Variants in TRAPPC9 observed in about 807,000 individuals in gnomAD.
The protein encoded by TRAPPC9 is IKK2 binding protein.
Under a neutral mutation model 124.0 loss-of-function variants are expected in TRAPPC9, and 83 were observed. The ratio of observed to expected loss-of-function variants is 0.67; its 90% CI spans 0.56 to 0.80. TRAPPC9 has a LOEUF of 0.80. TRAPPC9 is among the 30% of genes least tolerant of loss of function. The pLI is 0.00. For synonymous variants in TRAPPC9, 638 were observed against 617.5 expected (o/e 1.03, Z -0.49); for missense variants, 1,302 against 1,508.3 (o/e 0.86, Z 2.27).
chr8:140,318,400 A>G (rs2066496188), intron 9 of TRAPPC9, among the ~76,000 whole-genome samples: 1 of 152,210 alleles, frequency 6.6e-6, no homozygotes, highest in Non-Finnish European at 1.5e-5. Flanking sequence ...TTGTTCCTTT[A>G]GTAATATTGA....
At chr8:140,419,357 A>C (rs1404571550) in intron 5 of TRAPPC9, among the ~76,000 whole-genome samples, 1 of 127,940 alleles carries the variant, frequency 7.8e-6, no homozygotes, top group Non-Finnish European at 1.6e-5. Flanking sequence ...TGAACCTCGG[A>C]GGTGGAGCTT....
At chr8:139,764,394 A>C (rs573303486) in intron 21 of TRAPPC9, among the ~76,000 whole-genome samples, 1 of 152,310 alleles carries the variant, frequency 6.6e-6, no homozygotes, top group East Asian at 1.9e-4. Flanking sequence ...TCCAGAAAGA[A>C]AGACCAGGGA....
chr8:139,881,554 C>T (rs1381960323), intron 21 of TRAPPC9, among the ~76,000 whole-genome samples: 1 of 152,190 alleles, frequency 6.6e-6, no homozygotes, highest in African/African-American at 2.4e-5. Context: ...CACTCACCCA[C>T]ATCTGATGAC....
At chr8:140,419,201 GGT>G (rs1564011177) in intron 5 of TRAPPC9, among the ~76,000 whole-genome samples, 4 of 151,970 alleles carry the variant, frequency 2.6e-5, no homozygotes, top group Admixed American at 2.6e-4. Context: ...GGCCGAGGCG[GGT>G]GGATCAGGAG....
At chr8:139,768,748 C>T (rs1258405918) in intron 21 of TRAPPC9, among the ~76,000 whole-genome samples, 1 of 152,198 alleles carries the variant, frequency 6.6e-6, no homozygotes, top group Admixed American at 6.5e-5. Context: ...TACTAACATA[C>T]GTGACACCTA....
At chr8:140,344,763 A>C (rs948564960) in intron 9 of TRAPPC9, among the ~76,000 whole-genome samples, 1 of 152,268 alleles carries the variant, frequency 6.6e-6, no homozygotes, top group Non-Finnish European at 1.5e-5. Flanking sequence ...AGAGGTGAGC[A>C]AGGAGAACTG....
intron 19 of TRAPPC9, among the ~76,000 whole-genome samples, chr8:139,929,462 G>A (rs1171799824): frequency 2.6e-5 from 4 of 152,156 alleles, no homozygotes; most frequent in African/African-American, 4.8e-5. Flanking sequence ...GGGGCCGAGC[G>A]TGGTGGCTCA....
chr8:140,271,395 T>C (rs999334661), intron 15 of TRAPPC9, among the ~76,000 whole-genome samples: 5 of 152,102 alleles, frequency 3.3e-5, no homozygotes, highest in African/African-American at 1.2e-4. Context: ...CTTCTGTTCA[T>C]CCAAAGCCAC....
chr8:140,288,237 G>C (rs2065546302), intron 12 of TRAPPC9, among the ~76,000 whole-genome samples: 1 of 152,110 alleles, frequency 6.6e-6, no homozygotes. Context: ...CAACTACTTG[G>C]GAGACTGAGG....
At chr8:140,242,527 G>A (rs1399129236) in intron 16 of TRAPPC9, among the ~76,000 whole-genome samples, 2 of 152,300 alleles carry the variant, frequency 1.3e-5, no homozygotes, top group East Asian at 1.9e-4. Flanking sequence ...GAGCCCGTCT[G>A]GAGAGAATGA....
intron 17 of TRAPPC9, among the ~76,000 whole-genome samples, chr8:140,151,009 G>T (rs1464972182): frequency 6.6e-6 from 1 of 152,190 alleles, no homozygotes; most frequent in Non-Finnish European, 1.5e-5. Context: ...AAACCAGCAA[G>T]ATGACATTTA....
intron 8 of TRAPPC9, among the ~76,000 whole-genome samples, chr8:140,365,578 G>A (rs2068085894): frequency 6.6e-6 from 1 of 152,210 alleles, no homozygotes; most frequent in Non-Finnish European, 1.5e-5. Flanking sequence ...TCATCTGAAT[G>A]CACCCAGCTC....
At chr8:140,406,145 C>G (rs181644100) in intron 5 of TRAPPC9, among the ~76,000 whole-genome samples, 2 of 152,180 alleles carry the variant, frequency 1.3e-5, no homozygotes, top group Non-Finnish European at 2.9e-5. Flanking sequence ...TGATAGTATG[C>G]TTTCTATGCC....
Position 140,439,115 on chromosome 8 carries a change from G to C in TRAPPC9, c.667C>G (p.Leu223Val). Residue 223 changes from leucine (L) to valine (V), a missense_variant, in exon 3 of 23, where the codon CTG becomes GTG. Around this residue, in one of 3 missense-constraint regions of TRAPPC9, gnomAD observed 657 missense variants for 811.2 expected, o/e 0.81. Transcript: ENST00000438773. ...TCCACCGACATGTGGTAATGCACCA[G>C]GGAGTCCTGCAGCATCCCTGCCTGC... ...CLQAGMLQDS[L>V]VHYHMSVELL... is the part of the protein sequence containing the mutation. The C allele has an allele frequency of 2.5e-6, 4 of 1,614,198 alleles. No individual in the cohort carries two copies. The highest frequency in any genetic ancestry group is 1.3e-5 in the African/African-American group (1 of 75,050).
intron 21 of TRAPPC9, among the ~76,000 whole-genome samples, chr8:139,864,453 T>C (rs1828388914): frequency 6.6e-6 from 1 of 152,230 alleles, no homozygotes; most frequent in East Asian, 1.9e-4. Context: ...TAGCACGTCA[T>C]ATCTTTTGAA....
intron 17 of TRAPPC9, among the ~76,000 whole-genome samples, chr8:140,033,658 G>GTTTTTTGTTTTTTTTTTTTGTTT: frequency 2.4e-5 from 1 of 42,366 alleles, no homozygotes. Context: ...TCATAATGTG[G>GTTTTTTGTTTTTTTTTTTTGTTT]TTTTTTTTTT....
intron 10 of TRAPPC9, among the ~76,000 whole-genome samples, chr8:140,305,958 CT>C (rs980057512): frequency 6.6e-6 from 1 of 152,316 alleles, no homozygotes; most frequent in African/African-American, 2.4e-5. Context: ...AAGCCAGTGG[CT>C]TTTCCAATTT....
At position 139,825,220 on chromosome 8, in the gene TRAPPC9, C is replaced by T. The variant is rs932244445; in HGVS notation, c.3055+60659G>A. On this transcript the variant is annotated intron_variant, in intron 21 of 22. Transcript: ENST00000438773. This position sits in a 1 kb window ranked among gnomAD's most constrained non-coding sequence, Gnocchi z 4.6. The stretch of plus-strand genomic sequence containing the variant: ...CAGAGCTAGAGCCCAACAGGGCAGC[C>T]CACGCAGGGTGGGCAGAGAAACGGC... Among the ~76,000 whole-genome samples the T allele has an allele frequency of 6.6e-6, 1 of 152,178 alleles. No individual in the cohort carries two copies. Among genetic ancestry groups the T allele is most frequent in the African/African-American group, 2.4e-5 (1 of 41,444 alleles).
chr8:139,899,850 C>G (rs758924766), intron 20 of TRAPPC9, among the ~76,000 whole-genome samples: 1 of 152,166 alleles, frequency 6.6e-6, no homozygotes, highest in Admixed American at 6.5e-5. Flanking sequence ...GGGCTGAGGG[C>G]AGGAGGCTGG....
Sources: gnomAD v4.1 joint callset for allele counts (sites outside exome capture counted in the v4.1 genomes callset) on GRCh38, gnomAD v4.1.1 for gene constraint, gnomAD v4.1.1 regional missense constraint, Gnocchi (gnomAD v3.1) non-coding constraint, MANE v1.5 for transcripts, NCBI Gene and HGNC (gene_info 2026-07-23, HGNC 2026-07-21) for gene names.